Variants in GULP1 observed in about 807,000 individuals in gnomAD.
GULP1 encodes the protein GULP PTB domain containing engulfment adaptor 1.
GULP1 carries 19 observed loss-of-function variants against 40.9 expected under a neutral mutation model. The observed-to-expected ratio is 0.46, with a 90% CI of 0.32 to 0.68. GULP1 has a LOEUF of 0.68. Ranked by LOEUF, GULP1 falls within the 30% of genes least tolerant of loss-of-function variation. GULP1 has a pLI of 0.03. For synonymous variants in GULP1, 119 were observed against 117.6 expected, an observed-to-expected ratio of 1.01 and a Z score of -0.08; for missense variants, 312 against 362.2, an observed-to-expected ratio of 0.86 and a Z score of 1.12.
chr2:188,505,894 G>A (rs2063858304), intron 4 of GULP1, among the ~76,000 whole-genome samples: 1 of 151,800 alleles, frequency 6.6e-6, no homozygotes, highest in Admixed American at 6.6e-5. Flanking sequence ...GAACAAACAT[G>A]CCTCAGACTT....
At chr2:188,487,752 G>C (rs2061987161) in intron 4 of GULP1, among the ~76,000 whole-genome samples, 1 of 151,928 alleles carries the variant, frequency 6.6e-6, no homozygotes, top group South Asian at 2.1e-4. Context: ...GGTTTACAAA[G>C]AAAGATTACC....
intron 2 of GULP1, among the ~76,000 whole-genome samples, chr2:188,456,796 A>G (rs906020926): frequency 2.0e-5 from 3 of 152,142 alleles, no homozygotes; most frequent in South Asian, 4.1e-4. Flanking sequence ...ACAGACACTC[A>G]TTGCCAACTC....
chr2:188,312,237 G>C (rs2038287474), intron 1 of GULP1, among the ~76,000 whole-genome samples: 1 of 151,450 alleles, frequency 6.6e-6, no homozygotes, highest in Non-Finnish European at 1.5e-5. Context: ...GTGCAGGTTT[G>C]TTACACAGAT....
At chr2:188,538,520 C>T (rs1358076515) in intron 6 of GULP1, among the ~76,000 whole-genome samples, 1 of 152,038 alleles carries the variant, frequency 6.6e-6, no homozygotes, top group African/African-American at 2.4e-5. Flanking sequence ...CCCTATGTTA[C>T]ATACGAATAT....
intron 1 of GULP1, among the ~76,000 whole-genome samples, chr2:188,358,812 C>G (rs2045706203): frequency 6.6e-6 from 1 of 151,944 alleles, no homozygotes; most frequent in Admixed American, 6.6e-5. Context: ...TTTGAAAACA[C>G]CTGTTGTAAT....
At chr2:188,568,913 A>C (rs1426793385) in intron 7 of GULP1, among the ~76,000 whole-genome samples, 2 of 152,140 alleles carry the variant, frequency 1.3e-5, no homozygotes, top group Non-Finnish European at 1.5e-5. Context: ...AGGGAGAAAA[A>C]CAAGTAGGAA....
At chr2:188,400,777 G>C (rs549609909) in intron 2 of GULP1, among the ~76,000 whole-genome samples, 1 of 152,222 alleles carries the variant, frequency 6.6e-6, no homozygotes, top group South Asian at 2.1e-4. Context: ...TTCAATTCTG[G>C]TATGTTTACA....
chr2:188,313,986 T>C (rs1029671284), intron 1 of GULP1, among the ~76,000 whole-genome samples: 7 of 151,364 alleles, frequency 4.6e-5, no homozygotes, highest in Non-Finnish European at 8.8e-5. Context: ...TTTTAAAGTT[T>C]CATAAAAAGG....
chr2:188,380,589 A>G (rs1046329662), intron 1 of GULP1, among the ~76,000 whole-genome samples: 1 of 152,194 alleles, frequency 6.6e-6, no homozygotes, highest in Non-Finnish European at 1.5e-5. Context: ...CCAAGATCTT[A>G]TTTTATATAT....
chr2:188,520,110 A>C (rs2065589955), intron 4 of GULP1, among the ~76,000 whole-genome samples: 1 of 152,188 alleles, frequency 6.6e-6, no homozygotes, highest in Admixed American at 6.5e-5. Context: ...TCTGCTTAAA[A>C]TTTCTCATTC....
chr2:188,542,190 C>T (rs758035929), intron 7 of GULP1: 1 of 151,810 alleles, frequency 6.6e-6, no homozygotes, highest in Admixed American at 6.6e-5. Flanking sequence ...TGTAGCAGTT[C>T]TTTAATCATC....
intron 2 of GULP1, among the ~76,000 whole-genome samples, chr2:188,396,007 G>A (rs940402560): frequency 5.3e-5 from 8 of 152,176 alleles, no homozygotes; most frequent in African/African-American, 1.9e-4. Flanking sequence ...GGTGTTGCAG[G>A]CAACAGTGAC....
chr2:188,449,141 C>T (rs757617524), intron 2 of GULP1, among the ~76,000 whole-genome samples: 29 of 152,278 alleles, frequency 1.9e-4, no homozygotes, highest in African/African-American at 2.6e-4. Flanking sequence ...AATAGATATT[C>T]GCTGAACCTA....
intron 2 of GULP1, among the ~76,000 whole-genome samples, chr2:188,473,094 G>A (rs562111847): frequency 6.6e-6 from 1 of 152,184 alleles, no homozygotes; most frequent in Admixed American, 6.6e-5. Context: ...AGATCACCAT[G>A]CAGAGAGTTG....
chr2:188,454,041 G>A (rs1488866187), intron 2 of GULP1, among the ~76,000 whole-genome samples: 1 of 152,158 alleles, frequency 6.6e-6, no homozygotes, highest in Non-Finnish European at 1.5e-5. Flanking sequence ...AGGCCCCCCT[G>A]CTGCCTGAGC....
chr2:188,337,115 T>G (rs947359790), intron 1 of GULP1, among the ~76,000 whole-genome samples: 2 of 151,448 alleles, frequency 1.3e-5, no homozygotes, highest in Admixed American at 1.3e-4. Context: ...TATCTATATC[T>G]ATATCTATAT....
chr2:188,434,278 AT>A (rs1324531628), intron 2 of GULP1, among the ~76,000 whole-genome samples: 1 of 150,592 alleles, frequency 6.6e-6, no homozygotes, highest in Non-Finnish European at 1.5e-5. Context: ...TTTCTCCTTT[AT>A]AAAAAATGCC....
At chr2:188,553,529 A>G (rs1430340552) in intron 7 of GULP1, among the ~76,000 whole-genome samples, 2 of 151,932 alleles carry the variant, frequency 1.3e-5, no homozygotes, top group African/African-American at 4.8e-5. Context: ...ATCATGGTGT[A>G]TTATATTTTT....
intron 2 of GULP1, among the ~76,000 whole-genome samples, chr2:188,455,991 G>T (rs934844457): frequency 6.6e-6 from 1 of 152,174 alleles, no homozygotes; most frequent in Admixed American, 6.5e-5. Context: ...CTGCCCTAGA[G>T]ATTTGTGGAA....
Sources: allele counts gnomAD v4.1 joint callset (sites outside exome capture counted in the v4.1 genomes callset), GRCh38; gene constraint gnomAD v4.1.1; transcripts MANE v1.5; gene names NCBI Gene and HGNC (gene_info 2026-07-23, HGNC 2026-07-21).